WDR25: variants seen among roughly 807,000 people sequenced by gnomAD.
WDR25 encodes the protein WD repeat-containing protein 25.
In WDR25, 35 loss-of-function variants were observed where a neutral mutation model predicts 47.7. The observed-to-expected ratio is 0.73, with a 90% confidence interval of 0.56 to 0.97. The LOEUF is 0.97. Ranked by LOEUF, WDR25 falls within the 50% of genes least tolerant of loss-of-function variation. WDR25 has a pLI of 0.00. For synonymous variants in WDR25, 248 were observed against 278.9 expected (o/e 0.89, Z 1.10); for missense variants, 634 against 704.7 (o/e 0.90, Z 1.14).
chr14:100,379,141 A>G (rs889905722), intron 1 of WDR25, among the ~76,000 whole-genome samples: 2 of 152,146 alleles, frequency 1.3e-5, no homozygotes, highest in East Asian at 1.9e-4. Flanking sequence ...GATGATGAGC[A>G]TATGTTCTCA....
chr14:100,462,462 C>A (rs1010738805), intron 2 of WDR25, among the ~76,000 whole-genome samples: 35 of 152,146 alleles, frequency 2.3e-4, no homozygotes, highest in African/African-American at 8.0e-4. Flanking sequence ...ATTAAGGAGA[C>A]CAATTGGCAA....
intron 2 of WDR25, among the ~76,000 whole-genome samples, chr14:100,396,254 G>T (rs1307731331): frequency 6.6e-6 from 1 of 152,168 alleles, no homozygotes; most frequent in African/African-American, 2.4e-5. Flanking sequence ...GGGATTACAG[G>T]CGTGAACCAC....
At position 100,488,418 on chromosome 14, in the gene WDR25, T is replaced by C. The variant is rs1900454434; in HGVS notation, c.1101+4294T>C. Among the ~76,000 whole-genome samples, 2 of 152,174 alleles carry C rather than the reference T, an allele frequency of 1.3e-5. No homozygotes were observed. The highest frequency in any genetic ancestry group is 1.3e-4 in the Admixed American group (2 of 15,276). ...CCCTGAGCCTCTAGTGCCGTTGGCC[T>C]GAGCTGCAGGAGACCTGGGCTCACG... On this transcript the variant is annotated intron_variant, in intron 4 of 6. Coordinates refer to ENST00000402312, the MANE Select transcript of WDR25 (RefSeq NM_001161476.3). The surrounding 1 kb of genome is among the most constrained non-coding windows in gnomAD (Gnocchi z 4.2).
chr14:100,468,098 G>A lies in WDR25; in HGVS notation c.900G>A (p.Trp300Ter). 1 of 1,613,526 alleles carries A rather than the reference G, an allele frequency of 6.2e-7. No individual in the cohort carries two copies. Among genetic ancestry groups the A allele is most frequent in the Non-Finnish European group, 8.5e-7 (1 of 1,180,032 alleles). Residue 300 changes from tryptophan (W) to a stop codon, truncating the protein, a stop_gained, in exon 3 of 7, where the codon TGG becomes TGA. Coordinates refer to ENST00000402312, the MANE Select transcript of WDR25 (RefSeq NM_001161476.3). LOFTEE classifies it high-confidence loss of function. The surrounding 1 kb of genome is among the most constrained non-coding windows in gnomAD (Gnocchi z 4.5). ...CAGAGGCAGTGCGGGCCGCCCGGTG[G>A]GCTCCCTGTGGCCGGCGCATCCTCA... is the stretch of plus-strand genomic sequence containing the variant. ...LHTEAVRAARWAPCGRRILSG... is the reference protein window; with the variant it reads ...LHTEAVRAAR
In WDR25 at chr14:100,378,937, G is replaced by A. The variant is rs1344293785; in HGVS notation, c.-15-1973G>A. 2.1e-4 allele frequency among the ~76,000 whole-genome samples: 3 copies of A among 14,456 alleles called. 1 individual carries two copies. The highest frequency in any genetic ancestry group is 2.7e-4 in the Non-Finnish European group (1 of 3,684). The allele number at this position is 14,456 out of a possible 152,430, so 9.5% of individuals were successfully genotyped here. A position where few individuals can be genotyped will look rare whatever the true frequency, so the allele number is the denominator to read the frequency against. ...CCCGCCACTGCACTCCAGCCTGGGC[G>A]ACAGAGCGAGACTCCGTCTCAAAAA... is the stretch of plus-strand genomic sequence containing the variant. On this transcript the variant is annotated intron_variant, in intron 1 of 6. Coordinates refer to ENST00000402312, the MANE Select transcript of WDR25 (RefSeq NM_001161476.3).
At chr14:100,491,045 G>A (rs985201311) in intron 4 of WDR25, among the ~76,000 whole-genome samples, 1 of 152,208 alleles carries the variant, frequency 6.6e-6, no homozygotes, top group Non-Finnish European at 1.5e-5. Flanking sequence ...TTCCTCATCT[G>A]TCAACTGGGG....
chr14:100,453,787 C>T (rs1233511266), intron 2 of WDR25, among the ~76,000 whole-genome samples: 2 of 152,224 alleles, frequency 1.3e-5, no homozygotes, highest in East Asian at 3.9e-4. Flanking sequence ...CTCTTCAGCC[C>T]CTTCTGTGAT....
intron 2 of WDR25, among the ~76,000 whole-genome samples, chr14:100,459,954 A>ACC (rs1899348293): frequency 7.2e-6 from 1 of 138,060 alleles, no homozygotes; most frequent in Non-Finnish European, 1.6e-5. Flanking sequence ...ATACACATAC[A>ACC]CACACATATA....
intron 3 of WDR25, among the ~76,000 whole-genome samples, chr14:100,477,726 G>C (rs1300616236): frequency 6.6e-6 from 1 of 152,160 alleles, no homozygotes; most frequent in African/African-American, 2.4e-5. Context: ...GGCAGCCCAG[G>C]GCGTTGTATT....
At chr14:100,496,141 G>C (rs7161562) in intron 4 of WDR25, among the ~76,000 whole-genome samples, 20,768 of 152,036 alleles carry the variant, frequency 0.14, 4,523 homozygotes, top group African/African-American at 0.46. Context: ...TATATTATAC[G>C]TATCCTAGTG....
At chr14:100,376,557 G>C in intron 1 of WDR25, 62 bp downstream of exon 1, 1 of 1,231,886 alleles carries the variant, frequency 8.1e-7, no homozygotes, top group Non-Finnish European at 1.0e-6. Flanking sequence ...CGCCTAAAGC[G>C]CCCCGTGCCG....
chr14:100,390,749 G>A (rs1201287419), intron 2 of WDR25, among the ~76,000 whole-genome samples: 1 of 152,088 alleles, frequency 6.6e-6, no homozygotes, highest in East Asian at 1.9e-4. Context: ...GATCTGTGCC[G>A]CTCTTTTTGG....
intron 3 of WDR25, among the ~76,000 whole-genome samples, chr14:100,471,883 C>T (rs1158006412): frequency 1.3e-5 from 2 of 152,204 alleles, no homozygotes; most frequent in African/African-American, 2.4e-5. Flanking sequence ...TTTTGGTGCT[C>T]TTGTTTCAGT....
At chr14:100,467,076 C>T (rs543258979) in intron 2 of WDR25, among the ~76,000 whole-genome samples, 35 of 152,336 alleles carry the variant, frequency 2.3e-4, no homozygotes, top group East Asian at 1.5e-3. Flanking sequence ...TCATGAGCCT[C>T]ATACCCTCAT....
chr14:100,384,016 G>C (rs927846587), intron 2 of WDR25, among the ~76,000 whole-genome samples: 1 of 152,250 alleles, frequency 6.6e-6, no homozygotes, highest in South Asian at 2.1e-4. Context: ...AGCTGTGCCC[G>C]CCTGTCCCGA....
chr14:100,378,044 G>A (rs373803493), intron 1 of WDR25, among the ~76,000 whole-genome samples: 1 of 152,186 alleles, frequency 6.6e-6, no homozygotes, highest in East Asian at 1.9e-4. Context: ...GGAGTGCCTA[G>A]CACCCTTCTT....
At chr14:100,447,259 T>A (rs1034499151) in intron 2 of WDR25, among the ~76,000 whole-genome samples, 6 of 152,218 alleles carry the variant, frequency 3.9e-5, no homozygotes, top group Non-Finnish European at 8.8e-5. Flanking sequence ...GTGACTTTTT[T>A]AGAAGTGATT....
intron 2 of WDR25, among the ~76,000 whole-genome samples, chr14:100,415,750 G>A (rs1355883496): frequency 6.6e-6 from 1 of 152,190 alleles, no homozygotes; most frequent in Non-Finnish European, 1.5e-5. Flanking sequence ...GTGCAGCAGT[G>A]TTACCCTGGC....
intron 2 of WDR25, among the ~76,000 whole-genome samples, chr14:100,432,877 C>T (rs1898381670): frequency 6.6e-6 from 1 of 152,238 alleles, no homozygotes; most frequent in South Asian, 2.1e-4. Context: ...GCCTACTACA[C>T]ACCCAGGCTA....
Sources: gnomAD v4.1 joint callset for allele counts (sites outside exome capture counted in the v4.1 genomes callset) on GRCh38, gnomAD v4.1.1 for gene constraint, Gnocchi (gnomAD v3.1) non-coding constraint, MANE v1.5 for transcripts, NCBI Gene and HGNC (gene_info 2026-07-23, HGNC 2026-07-21) for gene names.